PGCKA1: variants seen among roughly 807,000 people sequenced by gnomAD.
The protein encoded by PGCKA1 is PDCD10 and GCKIII kinases associated 1.
the PGCKA1 span, among the ~76,000 whole-genome samples, chr4:37,572,749 C>G: frequency 6.6e-6 from 1 of 152,042 alleles, no homozygotes; most frequent in African/African-American, 2.4e-5. Context: ...TTACACATAC[C>G]TGAAGATAAT....
the PGCKA1 span, among the ~76,000 whole-genome samples, chr4:37,551,144 T>C: frequency 2.6e-5 from 4 of 152,258 alleles, no homozygotes; most frequent in Non-Finnish European, 5.9e-5. Context: ...CAGTGGGTTA[T>C]ACTGGATATG....
the PGCKA1 span, among the ~76,000 whole-genome samples, chr4:37,463,284 T>C: frequency 2.0e-5 from 3 of 152,098 alleles, no homozygotes; most frequent in African/African-American, 7.2e-5. Context: ...GTTTGAATCC[T>C]GGTTTGCTGG....
At chr4:37,479,951 C>T in the PGCKA1 span, among the ~76,000 whole-genome samples, 2,377 of 152,200 alleles carry the variant, frequency 0.016, 27 homozygotes, top group South Asian at 0.025. Flanking sequence ...GCAATTTGGT[C>T]ATTTTGGTAG....
the PGCKA1 span, among the ~76,000 whole-genome samples, chr4:37,489,666 T>C: frequency 9.8e-5 from 15 of 152,328 alleles, no homozygotes; most frequent in Middle Eastern, 3.4e-3. Flanking sequence ...TATTTTTCTG[T>C]CTTTAATGCA....
chr4:37,570,247 C>CTCGG, the PGCKA1 span, among the ~76,000 whole-genome samples: 1 of 148,994 alleles, frequency 6.7e-6, no homozygotes, highest in Non-Finnish European at 1.5e-5. Flanking sequence ...AGCCGCCGAC[C>CTCGG]TCGGCCTCCC....
the PGCKA1 span, among the ~76,000 whole-genome samples, chr4:37,485,918 C>G: frequency 6.6e-6 from 1 of 152,192 alleles, no homozygotes; most frequent in African/African-American, 2.4e-5. Context: ...TGGGTTATTA[C>G]AGCTAGTCTA....
the PGCKA1 span, among the ~76,000 whole-genome samples, chr4:37,538,609 G>A: frequency 6.6e-6 from 1 of 152,154 alleles, no homozygotes; most frequent in Non-Finnish European, 1.5e-5. Flanking sequence ...GGAAAAGAAG[G>A]GTTTCTGCCT....
the PGCKA1 span, among the ~76,000 whole-genome samples, chr4:37,568,897 C>A: frequency 6.6e-6 from 1 of 152,128 alleles, no homozygotes; most frequent in South Asian, 2.1e-4. Context: ...AGATTACAGC[C>A]TGGGCAACAA....
the PGCKA1 span, among the ~76,000 whole-genome samples, chr4:37,548,961 G>T: frequency 2.0e-5 from 3 of 152,164 alleles, no homozygotes; most frequent in African/African-American, 7.2e-5. Flanking sequence ...TCCTCCAGTC[G>T]ACCAGGCATG....
chr4:37,468,098 A>G, the PGCKA1 span, among the ~76,000 whole-genome samples: 1 of 152,180 alleles, frequency 6.6e-6, no homozygotes, highest in African/African-American at 2.4e-5. Flanking sequence ...AATATCCCGA[A>G]CTTCCGGAAG....
At chr4:37,590,453 C>T in the PGCKA1 span, 1,722 of 1,610,732 alleles carry the variant, frequency 1.1e-3, 1 homozygote, top group Non-Finnish European at 1.3e-3. Flanking sequence ...GTTCCCCCAA[C>T]TCAACCCTTC....
At chr4:37,545,869 A>T in the PGCKA1 span, among the ~76,000 whole-genome samples, 12 of 152,354 alleles carry the variant, frequency 7.9e-5, no homozygotes, top group African/African-American at 2.6e-4. Context: ...TTCTTTTATC[A>T]TACAAATTCC....
At chr4:37,590,635 C>T in the PGCKA1 span, 1 of 1,614,094 alleles carries the variant, frequency 6.2e-7, no homozygotes, top group Non-Finnish European at 8.5e-7. Flanking sequence ...GCATTGGGGC[C>T]CAGCTGGAGA....
chr4:37,515,322 C>G, the PGCKA1 span, among the ~76,000 whole-genome samples: 184 of 152,214 alleles, frequency 1.2e-3, no homozygotes, highest in African/African-American at 4.2e-3. Flanking sequence ...TGTTTATAAG[C>G]TACCCAATCT....
At chr4:37,478,407 G>C in the PGCKA1 span, among the ~76,000 whole-genome samples, 1 of 152,058 alleles carries the variant, frequency 6.6e-6, no homozygotes, top group African/African-American at 2.4e-5. Context: ...GGTCTGACTT[G>C]ATGTGACAAG....
chr4:37,537,137 A>T, the PGCKA1 span, among the ~76,000 whole-genome samples: 1 of 152,256 alleles, frequency 6.6e-6, no homozygotes, highest in Admixed American at 6.5e-5. Context: ...CTTAAGGCTC[A>T]TAAGATATAG....
the PGCKA1 span, among the ~76,000 whole-genome samples, chr4:37,532,960 G>T: frequency 6.0e-5 from 9 of 151,148 alleles, no homozygotes; most frequent in East Asian, 1.6e-3. Context: ...TGGGGACTTG[G>T]GGGGAACAGT....
chr4:37,579,665 T>C, the PGCKA1 span, among the ~76,000 whole-genome samples: 1 of 152,242 alleles, frequency 6.6e-6, no homozygotes, highest in African/African-American at 2.4e-5. Flanking sequence ...CTTCATTGTA[T>C]GTTATTTGTT....
chr4:37,512,886 C>T, the PGCKA1 span, among the ~76,000 whole-genome samples: 5 of 152,066 alleles, frequency 3.3e-5, no homozygotes, highest in Non-Finnish European at 7.4e-5. Context: ...GTCGGGAGTT[C>T]GAGACCAGCC....
Sources: allele counts gnomAD v4.1 joint callset (sites outside exome capture counted in the v4.1 genomes callset), GRCh38; gene constraint gnomAD v4.1.1; transcripts MANE v1.5; gene names NCBI Gene and HGNC (gene_info 2026-07-23, HGNC 2026-07-21).